TSPAN15: variants seen among roughly 807,000 people sequenced by gnomAD.
TSPAN15 encodes tetraspanin-15.
TSPAN15 carries 20 observed loss-of-function variants against 34.5 expected under a neutral mutation model. The observed-to-expected ratio is 0.58, with a 90% CI of 0.41 to 0.84. TSPAN15 has a LOEUF of 0.84. TSPAN15 is among the 40% of genes least tolerant of loss of function. The pLI, the probability that TSPAN15 is intolerant of heterozygous loss-of-function variation, is 0.00. For missense variants in TSPAN15, 313 were observed against 386.1 expected, an observed-to-expected ratio of 0.81 and a Z score of 1.59; for synonymous variants, 155 against 153.9, an observed-to-expected ratio of 1.01 and a Z score of -0.05.
chr10:69,501,626 A>C (rs779608619), intron 5 of TSPAN15, among the ~76,000 whole-genome samples: 1 of 152,238 alleles, frequency 6.6e-6, no homozygotes, highest in Admixed American at 6.5e-5. Flanking sequence ...AGAAAAATAT[A>C]AAATCCTGCT....
chr10:69,507,253 CG>C lies in TSPAN15; in HGVS notation c.*280del. Reference sequence around the variant, plus strand: ...CCCTCCTTTCTCCAGGCCTGGGCTACGGGGGAGGGAGAGCCTGAGGCTCTGC... The same window carrying C: ...CCCTCCTTTCTCCAGGCCTGGGCTACGGGGAGGGAGAGCCTGAGGCTCTGC... On this transcript the variant is annotated 3_prime_UTR_variant, in exon 8 of 8. Transcript: ENST00000373290. The C allele has an allele frequency of 7.3e-7, 1 of 1,366,600 alleles. No individual in the cohort carries two copies. Among genetic ancestry groups the C allele is most frequent in the Non-Finnish European group, 9.4e-7 (1 of 1,061,426 alleles). 84.7% of individuals were successfully genotyped at this position (1,366,600 alleles called of 1,614,324 possible).
At chr10:69,464,040 A>G (rs1841328627) in intron 1 of TSPAN15, among the ~76,000 whole-genome samples, 1 of 152,172 alleles carries the variant, frequency 6.6e-6, no homozygotes, top group Non-Finnish European at 1.5e-5. Flanking sequence ...CACAGAGGAA[A>G]CTGAGTATAC....
chr10:69,451,933 T>C (rs752953500), intron 1 of TSPAN15, among the ~76,000 whole-genome samples: 52 of 152,236 alleles, frequency 3.4e-4, no homozygotes, highest in Non-Finnish European at 7.1e-4. Flanking sequence ...CTCACCTGTG[T>C]GCACCGGCTG....
At chr10:69,511,584 C>G (rs1318929456), downstream of TSPAN15, among the ~76,000 whole-genome samples, 1 of 152,150 alleles carries the variant, frequency 6.6e-6, no homozygotes, top group Non-Finnish European at 1.5e-5. Flanking sequence ...CAGTTCTGCT[C>G]TGATCTTAGT....
chr10:69,458,578 T>C (rs1841166816), intron 1 of TSPAN15, among the ~76,000 whole-genome samples: 1 of 152,198 alleles, frequency 6.6e-6, no homozygotes, highest in South Asian at 2.1e-4. Context: ...AGCCTTCATA[T>C]TGGAGAAGTG....
downstream of TSPAN15, among the ~76,000 whole-genome samples, chr10:69,512,452 G>A (rs1474670885): frequency 6.6e-6 from 1 of 152,112 alleles, no homozygotes; most frequent in African/African-American, 2.4e-5. Flanking sequence ...GAGGTATACT[G>A]GATATAAAAT....
At chr10:69,534,945 A>G in the TSPAN15 span, among the ~76,000 whole-genome samples, 1 of 152,058 alleles carries the variant, frequency 6.6e-6, no homozygotes, top group East Asian at 1.9e-4. Context: ...TGTTCATGCC[A>G]GTGCATTCCA....
chr10:69,506,312 A>C lies in TSPAN15; in HGVS notation c.735+72A>C, dbSNP rs1352445140. The C allele has an allele frequency of 1.9e-5, 27 of 1,439,424 alleles. No individual in the cohort carries two copies. Among genetic ancestry groups the C allele is most frequent in the Non-Finnish European group, 2.0e-5 (21 of 1,028,000 alleles). 89.2% of individuals were successfully genotyped at this position (1,439,424 alleles called of 1,614,324 possible). A position where few individuals can be genotyped will look rare whatever the true frequency, so the allele number is the denominator to read the frequency against. On this transcript the variant is annotated intron_variant, in intron 7 of 7. Transcript: ENST00000373290. This position sits in a 1 kb window ranked among gnomAD's most constrained non-coding sequence, Gnocchi z 4.7. ...AAGGGCAGAGAAGGTGCAGAGGGGA[A>C]GAGCGAAGAGGCTTTTTTCATAGAA...
At chr10:69,529,503 C>T in the TSPAN15 span, among the ~76,000 whole-genome samples, 1 of 147,926 alleles carries the variant, frequency 6.8e-6, no homozygotes, top group Non-Finnish European at 1.5e-5. Context: ...GCTCTCTATA[C>T]TATTAATAAG....
intron 1 of TSPAN15, among the ~76,000 whole-genome samples, chr10:69,458,784 C>A (rs1589620939): frequency 6.6e-6 from 1 of 152,212 alleles, no homozygotes; most frequent in South Asian, 2.1e-4. Flanking sequence ...AAACTAAGGC[C>A]CTGAGAAGTG....
intron 1 of TSPAN15, among the ~76,000 whole-genome samples, chr10:69,460,777 C>T (rs1212429072): frequency 3.3e-5 from 5 of 152,124 alleles, no homozygotes; most frequent in African/African-American, 7.2e-5. Flanking sequence ...AGGGAGGCCT[C>T]GCAGAGAGGA....
At chr10:69,533,739 T>C in the TSPAN15 span, among the ~76,000 whole-genome samples, 1 of 152,170 alleles carries the variant, frequency 6.6e-6, no homozygotes, top group Admixed American at 6.5e-5. Context: ...TTATAGTCAG[T>C]TGGTCAGAAG....
intron 1 of TSPAN15, among the ~76,000 whole-genome samples, chr10:69,459,684 G>A (rs1389857725): frequency 1.3e-5 from 2 of 152,180 alleles, no homozygotes; most frequent in Non-Finnish European, 2.9e-5. Context: ...TGGGGTTCGA[G>A]TGACTGAGAA....
At chr10:69,548,605 G>T in the TSPAN15 span, among the ~76,000 whole-genome samples, 1 of 152,230 alleles carries the variant, frequency 6.6e-6, no homozygotes, top group South Asian at 2.1e-4. Flanking sequence ...AGAGCCTGGT[G>T]GTCTTGCTGA....
In TSPAN15 at chr10:69,506,762, C is replaced by T. The variant is rs557494217; in HGVS notation, c.736-67C>T. 2.4e-5 allele frequency: 36 copies of T among 1,502,372 alleles called. No individual in the cohort carries two copies. The highest frequency in any genetic ancestry group is 6.9e-5 in the African/African-American group (5 of 72,060). The allele number at this position is 1,502,372 out of a possible 1,614,324, so 93.1% of individuals were successfully genotyped here. ...ACTGGCTGCTTGGGTTTCTGGGAGC[C>T]GGGAGCTGCAGGGAGGGCTGCCCTG... On this transcript the variant is annotated intron_variant, in intron 7 of 7. Transcript: ENST00000373290. The surrounding 1 kb of genome is among the most constrained non-coding windows in gnomAD (Gnocchi z 4.7).
At chr10:69,455,547 T>TCTCTCC (rs1554830512) in intron 1 of TSPAN15, among the ~76,000 whole-genome samples, 2 of 130,352 alleles carry the variant, frequency 1.5e-5, no homozygotes, top group African/African-American at 5.5e-5. Context: ...TCTTTCTTTC[T>TCTCTCC]TCTCTCTCTC....
Position 69,487,312 on chromosome 10 carries a change from G to A in TSPAN15, c.357+2097G>A, listed in dbSNP as rs532960732. On this transcript the variant is annotated intron_variant, in intron 3 of 7. Transcript: ENST00000373290. ...GCACACAGGAGTTAAGAATTCCCCC[G>A]AGAGCACACAGCAAGGCAGAGGTGC... 3.3e-5 allele frequency among the ~76,000 whole-genome samples: 5 copies of A among 151,954 alleles called. No homozygotes were observed. In the East Asian group the frequency reaches 7.8e-4, roughly 24 times the overall value.
intron 1 of TSPAN15, among the ~76,000 whole-genome samples, chr10:69,458,207 A>G (rs1264979419): frequency 2.0e-5 from 3 of 152,260 alleles, no homozygotes; most frequent in Non-Finnish European, 4.4e-5. Context: ...CCAGTGAAGC[A>G]CTAGGTGAAG....
chr10:69,519,611 A>T, the TSPAN15 span, among the ~76,000 whole-genome samples: 2 of 152,034 alleles, frequency 1.3e-5, no homozygotes, highest in African/African-American at 2.4e-5. Flanking sequence ...GTTCAAATGT[A>T]AATATTTGTT....
Sources: allele counts gnomAD v4.1 joint callset (sites outside exome capture counted in the v4.1 genomes callset), GRCh38; gene constraint gnomAD v4.1.1; non-coding constraint Gnocchi (gnomAD v3.1); transcripts MANE v1.5; gene names NCBI Gene and HGNC (gene_info 2026-07-23, HGNC 2026-07-21).